The following NFIB variants were observed in gnomAD, a reference collection of about 807,000 sequenced individuals.
NFIB encodes nuclear factor I B, also known as nuclear factor 1 B-type.
In NFIB, 11 loss-of-function variants were observed where a neutral mutation model predicts 61.5. That is an observed-to-expected ratio of 0.18 (90% CI 0.11 to 0.30). NFIB has a LOEUF of 0.30. Among genes scored for constraint, NFIB ranks in the 10% least tolerant of loss-of-function variants. The pLI is 1.00. For synonymous variants in NFIB, 260 were observed against 216.5 expected (o/e 1.20, Z -1.76); for missense variants, 471 against 608.9 (o/e 0.77, Z 2.38).
At chr9:14,429,191 C>T in the NFIB span, among the ~76,000 whole-genome samples, 1 of 152,038 alleles carries the variant, frequency 6.6e-6, no homozygotes. Context: ...GCTGGGAAGT[C>T]CGTACAAAGA....
chr9:14,453,229 C>A, the NFIB span, among the ~76,000 whole-genome samples: 1 of 152,214 alleles, frequency 6.6e-6, no homozygotes, highest in Non-Finnish European at 1.5e-5. Flanking sequence ...CAGACATGAT[C>A]CAGTGTGTGT....
chr9:14,360,802 C>A (rs1033892742), intron 1 of NFIB, among the ~76,000 whole-genome samples: 6 of 151,908 alleles, frequency 3.9e-5, no homozygotes, highest in Non-Finnish European at 5.9e-5. Flanking sequence ...CCTGGGCCTC[C>A]CAAAGCCTGG....
upstream of NFIB, among the ~76,000 whole-genome samples, chr9:14,318,835 T>A (rs2060599941): frequency 6.6e-6 from 1 of 152,166 alleles, no homozygotes; most frequent in African/African-American, 2.4e-5. Context: ...GTGCCTGTAC[T>A]TGATGAGAAT....
At chr9:14,511,605 GAC>G in the NFIB span, among the ~76,000 whole-genome samples, 5 of 152,166 alleles carry the variant, frequency 3.3e-5, no homozygotes, top group African/African-American at 1.2e-4. Context: ...AGCCTGAGAT[GAC>G]ACAGCCAGTA....
chr9:14,164,315 G>A (rs1373245546), intron 3 of NFIB, among the ~76,000 whole-genome samples: 1 of 151,954 alleles, frequency 6.6e-6, no homozygotes, highest in Non-Finnish European at 1.5e-5. Context: ...ACATCACAGA[G>A]TGTACTTACA....
At chr9:14,393,267 C>A (rs191878238) in intron 1 of NFIB, among the ~76,000 whole-genome samples, 1 of 152,164 alleles carries the variant, frequency 6.6e-6, no homozygotes, top group Non-Finnish European at 1.5e-5. Context: ...ATCTTTGTCA[C>A]ACTGCAACAT....
At chr9:14,155,689 T>C (rs2043312655) in intron 4 of NFIB, 136 bp downstream of exon 4, 1 of 477,394 alleles carries the variant, frequency 2.1e-6, no homozygotes, top group Non-Finnish European at 3.7e-6. Flanking sequence ...TATATTGTTA[T>C]TTCATCAAAG....
intron 1 of NFIB, among the ~76,000 whole-genome samples, chr9:14,365,134 G>C (rs564260907): frequency 6.6e-6 from 1 of 152,174 alleles, no homozygotes; most frequent in African/African-American, 2.4e-5. Context: ...CACATGCCAA[G>C]GACTTAGTAA....
rs202007680 is a variant in NFIB at position 14,246,997 on chromosome 9, A to ATC, written c.562+59991_562+59992insGA. ...TCTCTCTCTCTTGCTTTCTTTCACT[A>ATC]TATCTCTCTCTCTCTCTGCTTTCTG... On this transcript the variant is annotated intron_variant, in intron 2 of 10. Coordinates refer to ENST00000380953, the MANE Select transcript of NFIB (RefSeq NM_001190737.2). Among the ~76,000 whole-genome samples, 1,455 of 148,616 alleles carry ATC rather than the reference A, an allele frequency of 9.8e-3. 31 individuals carry two copies. The highest frequency in any genetic ancestry group is 0.033 in the African/African-American group (1,353 of 40,594).
chr9:14,107,502 A>G (rs982588847), intron 10 of NFIB, among the ~76,000 whole-genome samples: 2 of 152,112 alleles, frequency 1.3e-5, no homozygotes, highest in African/African-American at 2.4e-5. Flanking sequence ...AAATCATAAG[A>G]TAAGTATTAG....
chr9:14,273,349 C>T (rs1201728524), intron 2 of NFIB, among the ~76,000 whole-genome samples: 1 of 152,144 alleles, frequency 6.6e-6, no homozygotes, highest in African/African-American at 2.4e-5. Flanking sequence ...AGACTCGGGG[C>T]TGTGGGGAGT....
chr9:14,431,783 G>C, the NFIB span, among the ~76,000 whole-genome samples: 5 of 152,140 alleles, frequency 3.3e-5, no homozygotes, highest in South Asian at 1.0e-3. Context: ...GTGAGACAGA[G>C]GAGAGAAAAC....
the NFIB span, among the ~76,000 whole-genome samples, chr9:14,423,199 T>G: frequency 6.6e-6 from 1 of 152,200 alleles, no homozygotes; most frequent in Non-Finnish European, 1.5e-5. Flanking sequence ...AGAGTAGTAA[T>G]CAGATCGGGG....
chr9:14,322,059 C>T (rs2060673333), intron 1 of NFIB: 7 of 1,046,778 alleles, frequency 6.7e-6, no homozygotes, highest in Non-Finnish European at 8.1e-6. Context: ...GTTTTGGTGT[C>T]GCTTTTTGTG....
At chr9:14,289,121 T>C (rs1397371276) in intron 2 of NFIB, among the ~76,000 whole-genome samples, 1 of 144,004 alleles carries the variant, frequency 6.9e-6, no homozygotes, top group Admixed American at 7.3e-5. Context: ...TGTGTGTATA[T>C]GTATATATAT....
chr9:14,346,742 T>C (rs1421446244), intron 1 of NFIB, among the ~76,000 whole-genome samples: 1 of 152,178 alleles, frequency 6.6e-6, no homozygotes, highest in Non-Finnish European at 1.5e-5. Flanking sequence ...GTTTCTGTGA[T>C]GGTCACCTGG....
At chr9:14,261,649 T>C (rs1445341933) in intron 2 of NFIB, among the ~76,000 whole-genome samples, 1 of 152,116 alleles carries the variant, frequency 6.6e-6, no homozygotes, top group Non-Finnish European at 1.5e-5. Context: ...CTTAGAGGAA[T>C]GGGAGATGGG....
intron 4 of NFIB, among the ~76,000 whole-genome samples, chr9:14,154,807 A>G (rs144780607): frequency 6.6e-6 from 1 of 152,326 alleles, no homozygotes; most frequent in East Asian, 1.9e-4. Context: ...TTGAGGAACT[A>G]CGGTTCAAAA....
At chr9:14,393,906 G>A (rs1027684873) in intron 1 of NFIB, among the ~76,000 whole-genome samples, 20 of 152,078 alleles carry the variant, frequency 1.3e-4, no homozygotes, top group African/African-American at 3.6e-4. Flanking sequence ...AGTATTTTTG[G>A]TAAATTAACA....
Sources: allele counts gnomAD v4.1 joint callset (sites outside exome capture counted in the v4.1 genomes callset), GRCh38; gene constraint gnomAD v4.1.1; transcripts MANE v1.5; gene names NCBI Gene and HGNC (gene_info 2026-07-23, HGNC 2026-07-21).